Variants in SSBP2 observed in about 807,000 individuals in gnomAD.
The protein encoded by SSBP2 is single-stranded DNA-binding protein 2.
In SSBP2, 17 loss-of-function variants were observed where a neutral mutation model predicts 61.8. The ratio of observed to expected loss-of-function variants is 0.28; its 90% CI spans 0.19 to 0.41. The LOEUF (loss-of-function observed/expected upper bound fraction) is 0.41, where lower values mean the gene tolerates loss of function less well. Ranked by LOEUF, SSBP2 falls within the 10% of genes least tolerant of loss-of-function variation. The pLI, the probability that SSBP2 is intolerant of heterozygous loss-of-function variation, is 1.00. For synonymous variants in SSBP2, 139 were observed against 141.3 expected, an observed-to-expected ratio of 0.98 and a Z score of 0.12; for missense variants, 310 against 458.7, an observed-to-expected ratio of 0.68 and a Z score of 2.96.
intron 3 of SSBP2, among the ~76,000 whole-genome samples, chr5:81,634,736 A>G (rs1292597322): frequency 6.6e-6 from 1 of 152,148 alleles, no homozygotes; most frequent in Non-Finnish European, 1.5e-5. Context: ...CCCATGTGCT[A>G]TACTCTCTCT....
intron 1 of SSBP2, among the ~76,000 whole-genome samples, chr5:81,722,026 C>A (rs1459921108): frequency 1.3e-5 from 2 of 152,102 alleles, no homozygotes; most frequent in Non-Finnish European, 2.9e-5. Context: ...TCCCTTAGTT[C>A]TTAGCACTGC....
chr5:81,715,857 G>A (rs937729743), intron 1 of SSBP2, among the ~76,000 whole-genome samples: 2 of 152,014 alleles, frequency 1.3e-5, no homozygotes, highest in Admixed American at 1.3e-4. Flanking sequence ...AGGAGTTCGA[G>A]ACCAGCCTGA....
intron 1 of SSBP2, among the ~76,000 whole-genome samples, chr5:81,737,157 T>C (rs1302183705): frequency 6.6e-6 from 1 of 152,140 alleles, no homozygotes; most frequent in East Asian, 1.9e-4. Flanking sequence ...CCCTGTAGCA[T>C]ACCATTATTG....
chr5:81,435,106 A>G (rs1239802066), intron 15 of SSBP2, among the ~76,000 whole-genome samples: 1 of 152,232 alleles, frequency 6.6e-6, no homozygotes, highest in Non-Finnish European at 1.5e-5. Context: ...TTGAAGGCAG[A>G]TTTAACTAGT....
rs543254817 is a variant in SSBP2 at position 81,750,762 on chromosome 5, C to T, written c.62+219G>A. The T allele has an allele frequency of 1.4e-4, 83 of 583,588 alleles. No individual in the cohort carries two copies. In the East Asian group the frequency reaches 1.9e-3, roughly 14 times the overall value. The allele number at this position is 583,588 out of a possible 1,614,324, so 36.2% of individuals were successfully genotyped here. ...CGCCCCTCAACACACCCGGTCCCTC[C>T]CGCCGACAGCCCCCTGCGGCCGCCC... On this transcript the variant is annotated intron_variant, in intron 1 of 16. Transcript: ENST00000320672.
intron 5 of SSBP2, among the ~76,000 whole-genome samples, chr5:81,494,898 T>A (rs1489428359): frequency 6.6e-6 from 1 of 152,182 alleles, no homozygotes; most frequent in Non-Finnish European, 1.5e-5. Context: ...GAGAAAAAAT[T>A]ACACCACTTA....
Position 81,476,966 on chromosome 5 carries a change from G to A in SSBP2, c.433-2404C>T, listed in dbSNP as rs558304847. Among the ~76,000 whole-genome samples the A allele has an allele frequency of 5.3e-5, 8 of 152,042 alleles. No individual in the cohort carries two copies. In the South Asian group the frequency reaches 1.7e-3, roughly 32 times the overall value. On this transcript the variant is annotated intron_variant, in intron 6 of 16. Coordinates refer to ENST00000320672, the MANE Select transcript of SSBP2 (RefSeq NM_012446.5). ...TCAATAGTCAAATTATCTCAGATTT[G>A]GCTAGTGAGAAGCCTTCAGGTGTGT...
At chr5:81,437,588 C>A in intron 14 of SSBP2, 130 bp from the exon 15 acceptor site, 1 of 766,308 alleles carries the variant, frequency 1.3e-6, no homozygotes, top group South Asian at 2.0e-5. Context: ...GTTTTTAAAT[C>A]TGAAAAAATT....
chr5:81,730,498 T>G (rs1756191863), intron 1 of SSBP2, among the ~76,000 whole-genome samples: 2 of 152,220 alleles, frequency 1.3e-5, no homozygotes, highest in African/African-American at 2.4e-5. Flanking sequence ...GTGCTGCTAT[T>G]GCAGGCCTGA....
At chr5:81,615,591 C>A in intron 3 of SSBP2, 34 bp from the exon 4 acceptor site, 1 of 1,324,044 alleles carries the variant, frequency 7.6e-7, no homozygotes, top group South Asian at 1.2e-5. Context: ...TTAAGAAAAT[C>A]ATACAACACC....
At chr5:81,438,491 T>C (rs750764117) in intron 14 of SSBP2, among the ~76,000 whole-genome samples, 8 of 152,190 alleles carry the variant, frequency 5.3e-5, no homozygotes, top group Non-Finnish European at 1.0e-4. Context: ...AACATTTTAG[T>C]AGCATAGCAT....
At chr5:81,487,917 C>A (rs1249634621) in intron 6 of SSBP2, among the ~76,000 whole-genome samples, 1 of 148,862 alleles carries the variant, frequency 6.7e-6, no homozygotes, top group African/African-American at 2.4e-5. Flanking sequence ...CAATATTTTT[C>A]TTTCTGTGTC....
rs116287224 is a variant in SSBP2 at position 81,734,211 on chromosome 5, T to C, written c.62+16770A>G. On this transcript the variant is annotated intron_variant, in intron 1 of 16. Transcript: ENST00000320672. ...CTTAAATACACAGATAAAAACTCCA[T>C]TGCTTAATTTGTTGTATTACTTACA... Among the ~76,000 whole-genome samples the C allele has an allele frequency of 3.6e-3, 547 of 152,332 alleles. 3 individuals are homozygous for C. Among genetic ancestry groups the C allele is most frequent in the African/African-American group, 0.013 (527 of 41,576 alleles).
In SSBP2 at chr5:81,694,764, C is replaced by T. The variant is rs374888859; in HGVS notation, c.63-44425G>A. Among the ~76,000 whole-genome samples the T allele has an allele frequency of 2.1e-4, 32 of 152,152 alleles. 1 individual carries two copies. Among genetic ancestry groups the T allele is most frequent in the Admixed American group, 1.7e-3 (26 of 15,260 alleles). ...CCAAGGTGGAGGGATCACTTGAAGC[C>T]GGCAGTTCAAAACCAGCCTGGGCAA... On this transcript the variant is annotated intron_variant, in intron 1 of 16. Coordinates refer to ENST00000320672, the MANE Select transcript of SSBP2 (RefSeq NM_012446.5).
At position 81,417,270 on chromosome 5, in the gene SSBP2, A is replaced by T. The variant is rs1269077526; in HGVS notation, c.*3234T>A. 1 of 152,150 alleles carries T rather than the reference A, an allele frequency of 6.6e-6. No homozygotes were observed. Among genetic ancestry groups the T allele is most frequent in the African/African-American group, 2.4e-5 (1 of 41,420 alleles). 9.4% of individuals were successfully genotyped at this position (152,150 alleles called of 1,614,324 possible). A position where few individuals can be genotyped will look rare whatever the true frequency, so the allele number is the denominator to read the frequency against. On this transcript the variant is annotated 3_prime_UTR_variant, in exon 17 of 17. Transcript: ENST00000320672. ...AGTGCTAATAAGATTCACCCATCAA[A>T]TATGTGTTGTATTACAAGATCAATG...
intron 4 of SSBP2, 59 bp from the exon 5 acceptor site, chr5:81,513,776 G>A: frequency 9.2e-7 from 1 of 1,092,612 alleles, no homozygotes; most frequent in Non-Finnish European, 1.4e-6. Flanking sequence ...CAAAACCAAA[G>A]ACTAATGATA....
chr5:81,658,950 C>G (rs1189260237), intron 1 of SSBP2, among the ~76,000 whole-genome samples: 11 of 152,130 alleles, frequency 7.2e-5, no homozygotes, highest in Non-Finnish European at 1.5e-5. Context: ...CAGAAAAGGA[C>G]TTCGATAAAA....
At chr5:81,456,115 A>G (rs1764127622) in intron 10 of SSBP2, among the ~76,000 whole-genome samples, 1 of 152,180 alleles carries the variant, frequency 6.6e-6, no homozygotes, top group East Asian at 1.9e-4. Flanking sequence ...GTGCTTTTTA[A>G]AAAAATGAGC....
At chr5:81,727,059 A>G (rs1341570152) in intron 1 of SSBP2, among the ~76,000 whole-genome samples, 1 of 152,216 alleles carries the variant, frequency 6.6e-6, no homozygotes, top group African/African-American at 2.4e-5. Flanking sequence ...CTAAGCATTA[A>G]TTTAGGAAGC....
Sources: gnomAD v4.1 joint callset for allele counts (sites outside exome capture counted in the v4.1 genomes callset) on GRCh38, gnomAD v4.1.1 for gene constraint, MANE v1.5 for transcripts, NCBI Gene and HGNC (gene_info 2026-07-23, HGNC 2026-07-21) for gene names.